PRKCA: variants seen among roughly 807,000 people sequenced by gnomAD.
The protein encoded by PRKCA is protein kinase C alpha type.
Under a neutral mutation model 87.0 loss-of-function variants are expected in PRKCA, and 27 were observed. The observed-to-expected ratio is 0.31, with a 90% CI of 0.23 to 0.43. The LOEUF (loss-of-function observed/expected upper bound fraction) is 0.43, where lower values mean the gene tolerates loss of function less well. Ranked by LOEUF, PRKCA falls within the 20% of genes least tolerant of loss-of-function variation. The pLI is 1.00. For synonymous variants in PRKCA, 329 were observed against 311.1 expected (o/e 1.06, Z -0.61); for missense variants, 518 against 852.3 (o/e 0.61, Z 4.88).
At chr17:66,801,275 T>G (rs1414744010) in intron 16 of PRKCA, among the ~76,000 whole-genome samples, 1 of 152,194 alleles carries the variant, frequency 6.6e-6, no homozygotes, top group African/African-American at 2.4e-5. Context: ...GAGCCAGTCA[T>G]TCTTTGGGGC....
chr17:66,428,746 C>A (rs780796471), intron 2 of PRKCA, among the ~76,000 whole-genome samples: 1 of 152,076 alleles, frequency 6.6e-6, no homozygotes, highest in Non-Finnish European at 1.5e-5. Context: ...TCAAGTGATC[C>A]GCCCACTCTG....
intron 2 of PRKCA, among the ~76,000 whole-genome samples, chr17:66,482,212 A>C (rs1314071929): frequency 6.6e-6 from 1 of 152,106 alleles, no homozygotes; most frequent in Non-Finnish European, 1.5e-5. Flanking sequence ...CTTGCCCTTG[A>C]GTTTGCAATC....
chr17:66,773,632 G>C (rs928009505), intron 13 of PRKCA, among the ~76,000 whole-genome samples: 5 of 151,774 alleles, frequency 3.3e-5, no homozygotes, highest in African/African-American at 9.7e-5. Context: ...GGGATTAGAG[G>C]TGTGAGCTGC....
chr17:66,350,867 G>A (rs780317020), intron 2 of PRKCA, among the ~76,000 whole-genome samples: 2 of 152,160 alleles, frequency 1.3e-5, no homozygotes, highest in African/African-American at 2.4e-5. Flanking sequence ...ATGAGCATTC[G>A]TGTGCAAATG....
At chr17:66,454,048 A>G (rs1412000131) in intron 2 of PRKCA, among the ~76,000 whole-genome samples, 1 of 152,248 alleles carries the variant, frequency 6.6e-6, no homozygotes, top group East Asian at 1.9e-4. Context: ...TTCTTTCTGA[A>G]AACAATTCCT....
chr17:66,683,985 C>A (rs1289692435), intron 5 of PRKCA, among the ~76,000 whole-genome samples: 1 of 152,192 alleles, frequency 6.6e-6, no homozygotes, highest in African/African-American at 2.4e-5. Flanking sequence ...TTCCTAGCTT[C>A]CCCAGCTTCC....
intron 2 of PRKCA, among the ~76,000 whole-genome samples, chr17:66,447,226 G>C (rs1332098959): frequency 1.3e-5 from 2 of 152,140 alleles, no homozygotes; most frequent in Non-Finnish European, 2.9e-5. Context: ...TATACGGGAT[G>C]GTGACAGAGT....
chr17:66,452,192 T>C (rs1914361201), intron 2 of PRKCA, among the ~76,000 whole-genome samples: 1 of 152,222 alleles, frequency 6.6e-6, no homozygotes, highest in Non-Finnish European at 1.5e-5. Flanking sequence ...TCCAGAGAAC[T>C]GTCTGCACCT....
chr17:66,623,784 T>C (rs1215791785), intron 3 of PRKCA, among the ~76,000 whole-genome samples: 2 of 151,204 alleles, frequency 1.3e-5, no homozygotes, highest in African/African-American at 4.9e-5. Context: ...AAGGAAAACC[T>C]GGAGGAGTAG....
chr17:66,341,965 G>A (rs1178900673), intron 2 of PRKCA, among the ~76,000 whole-genome samples: 1 of 152,152 alleles, frequency 6.6e-6, no homozygotes, highest in African/African-American at 2.4e-5. Flanking sequence ...GATATAAGTG[G>A]TTTGATAGGT....
chr17:66,558,493 G>T (rs188159955), intron 3 of PRKCA, among the ~76,000 whole-genome samples: 361 of 152,222 alleles, frequency 2.4e-3, no homozygotes, highest in Middle Eastern at 0.017. Context: ...TTGGCCGAGG[G>T]CCTAGAGCAC....
At chr17:66,305,999 C>A in intron 1 of PRKCA, 97 bp from the exon 2 acceptor site, 1 of 1,098,394 alleles carries the variant, frequency 9.1e-7, no homozygotes, top group Non-Finnish European at 1.4e-6. Context: ...CACATACAAA[C>A]CTTTAGTGGT....
At position 66,803,843 on chromosome 17, in the gene PRKCA, C is replaced by A; in HGVS notation, c.1855-30C>A. 1.2e-6 allele frequency: 2 copies of A among 1,609,672 alleles called. No homozygotes were observed. Among genetic ancestry groups the A allele is most frequent in the Non-Finnish European group, 1.7e-6 (2 of 1,177,026 alleles). On this transcript the variant is annotated intron_variant, in intron 16 of 16. Transcript: ENST00000413366. This position sits in a 1 kb window ranked among gnomAD's most constrained non-coding sequence, Gnocchi z 4.4. The stretch of plus-strand genomic sequence containing the variant: ...GCTCCCGCATTGTCATGTTGACTGA[C>A]CTTTCCTTCTTTTTGTCTTTTCTCC...
intron 5 of PRKCA, among the ~76,000 whole-genome samples, chr17:66,657,063 A>G (rs910026734): frequency 6.6e-6 from 1 of 152,234 alleles, no homozygotes; most frequent in African/African-American, 2.4e-5. Context: ...GGCGTTTCCA[A>G]TTGGAAAGAT....
intron 2 of PRKCA, among the ~76,000 whole-genome samples, chr17:66,392,102 C>T (rs1053678115): frequency 2.6e-5 from 4 of 151,960 alleles, no homozygotes; most frequent in Non-Finnish European, 5.9e-5. Context: ...TGATGGCGAG[C>T]GCCTGTAGTC....
At chr17:66,369,124 C>T (rs997296259) in intron 2 of PRKCA, among the ~76,000 whole-genome samples, 2 of 152,208 alleles carry the variant, frequency 1.3e-5, no homozygotes, top group Non-Finnish European at 2.9e-5. Flanking sequence ...GATAATACAG[C>T]TTATAATTCA....
intron 9 of PRKCA, among the ~76,000 whole-genome samples, chr17:66,734,898 GT>G (rs10711824): frequency 0.68 from 103,878 of 152,096 alleles, 35,638 homozygotes; most frequent in African/African-American, 0.71. Context: ...GGTTCACTGT[GT>G]TGTTACTATT....
chr17:66,530,593 C>G (rs1022144905), intron 3 of PRKCA, among the ~76,000 whole-genome samples: 1 of 152,126 alleles, frequency 6.6e-6, no homozygotes, highest in African/African-American at 2.4e-5. Context: ...GTCCTTTGCT[C>G]CAAAGAAGAG....
chr17:66,413,096 C>T (rs561438166), intron 2 of PRKCA, among the ~76,000 whole-genome samples: 1 of 152,150 alleles, frequency 6.6e-6, no homozygotes, highest in Non-Finnish European at 1.5e-5. Context: ...AGGGCTCAGT[C>T]CCAAGAGACT....
Sources: allele counts gnomAD v4.1 joint callset (sites outside exome capture counted in the v4.1 genomes callset), GRCh38; gene constraint gnomAD v4.1.1; non-coding constraint Gnocchi (gnomAD v3.1); transcripts MANE v1.5; gene names NCBI Gene and HGNC (gene_info 2026-07-23, HGNC 2026-07-21).